Variants in C9 observed in about 807,000 individuals in gnomAD.
C9 encodes the protein complement component C9.
Under a neutral mutation model 65.4 loss-of-function variants are expected in C9, and 63 were observed. The observed-to-expected ratio is 0.96, with a 90% CI of 0.79 to 1.19. C9 has a LOEUF of 1.19. Ranked by LOEUF, C9 falls within the 50% of genes most tolerant of loss-of-function variation. The pLI is 0.00. For missense variants in C9, 744 were observed against 670.1 expected (o/e 1.11, Z -1.22); for synonymous variants, 229 against 227.9 (o/e 1.00, Z -0.04).
At chr5:39,337,449 AGCCAATTTTTTCT>A (rs1310174044) in intron 4 of C9, among the ~76,000 whole-genome samples, 3 of 152,224 alleles carry the variant, frequency 2.0e-5, no homozygotes, top group African/African-American at 7.2e-5. Flanking sequence ...GTCCAGAATA[AGCCAATTTTTTCT>A]GCCAAGAAAC....
intron 1 of C9, among the ~76,000 whole-genome samples, chr5:39,364,042 C>T (rs1236508407): frequency 6.6e-6 from 1 of 152,132 alleles, no homozygotes; most frequent in Admixed American, 6.5e-5. Context: ...AGATTAATTT[C>T]CTTAATTTTA....
chr5:39,342,285 T>A, intron 1 of C9, 89 bp from the exon 2 acceptor site: 1 of 738,312 alleles, frequency 1.4e-6, no homozygotes, highest in Non-Finnish European at 2.5e-6. Flanking sequence ...TTTTGTACTT[T>A]ATCCCCTCTC....
intron 9 of C9, among the ~76,000 whole-genome samples, chr5:39,294,588 G>A (rs928818047): frequency 6.6e-6 from 1 of 151,702 alleles, no homozygotes; most frequent in African/African-American, 2.4e-5. Flanking sequence ...TTTCAACAAA[G>A]AAAGGTCCAG....
chr5:39,344,871 A>G (rs540809684), intron 1 of C9, among the ~76,000 whole-genome samples: 32 of 152,326 alleles, frequency 2.1e-4, no homozygotes, highest in South Asian at 6.2e-4. Context: ...AATATTCAAC[A>G]TTCTTAAAGA....
chr5:39,304,435 T>C (rs1398441345), intron 9 of C9, among the ~76,000 whole-genome samples: 1 of 152,172 alleles, frequency 6.6e-6, no homozygotes, highest in East Asian at 1.9e-4. Context: ...TTAGTGATCA[T>C]AGATTGTGTA....
At chr5:39,331,224 G>C (rs938935896) in intron 5 of C9, among the ~76,000 whole-genome samples, 1 of 152,136 alleles carries the variant, frequency 6.6e-6, no homozygotes, top group African/African-American at 2.4e-5. Flanking sequence ...ATTTTCAAGA[G>C]GTAGAGGAGT....
In C9 at chr5:39,342,160, T is replaced by C; in HGVS notation, c.114A>G (p.Ala38=). 2 of 1,608,694 alleles carry C rather than the reference T, an allele frequency of 1.2e-6. No homozygotes were observed. The highest frequency in any genetic ancestry group is 2.7e-5 in the African/African-American group (2 of 74,932). ...DPELTESSGS[A]SHIDCRMSPW... is the part of the protein sequence containing the mutation. ...GGCTCATTCTGCAGTCTATGTGTGA[T>C]GCAGAGCCACTGCTTTCTGTTAGCT... is the stretch of plus-strand genomic sequence containing the variant. Residue 38 remains alanine, a synonymous_variant, in exon 2 of 11, where the codon GCA becomes GCG. Transcript: ENST00000263408.
intron 9 of C9, among the ~76,000 whole-genome samples, chr5:39,297,401 A>C (rs184823123): frequency 5.1e-4 from 77 of 151,740 alleles, no homozygotes; most frequent in Non-Finnish European, 5.0e-4. Context: ...CATTAATTAC[A>C]TTAAATGCAA....
chr5:39,285,263 A>C, intron 10 of C9, 30 bp from the exon 11 acceptor site: 1 of 1,587,296 alleles, frequency 6.3e-7, no homozygotes, highest in Middle Eastern at 1.7e-4. Context: ...ATCAAATCTT[A>C]ATCATCAATA....
chr5:39,303,268 GA>G (rs1261314480), intron 9 of C9, among the ~76,000 whole-genome samples: 1 of 152,004 alleles, frequency 6.6e-6, no homozygotes, highest in Non-Finnish European at 1.5e-5. Flanking sequence ...TACTTTCATG[GA>G]AGCTGAAGAC....
rs140016891 is a variant in C9 at position 39,361,161 on chromosome 5, A to G, written c.77+3227T>C. Among the ~76,000 whole-genome samples, 17 of 152,266 alleles carry G rather than the reference A, an allele frequency of 1.1e-4. No individual in the cohort carries two copies. In the East Asian group the frequency reaches 3.3e-3, roughly 29 times the overall value. On this transcript the variant is annotated intron_variant, in intron 1 of 10. Transcript: ENST00000263408. ...GAAAGTAAAAAATAGTATATATAATATGATATCATTTGCAAAAGACTGGGA... is the reference window on the plus strand; with the variant it reads ...GAAAGTAAAAAATAGTATATATAATGTGATATCATTTGCAAAAGACTGGGA...
At chr5:39,332,998 G>C (rs560124301) in intron 4 of C9, among the ~76,000 whole-genome samples, 73 of 152,134 alleles carry the variant, frequency 4.8e-4, no homozygotes, top group African/African-American at 1.7e-3. Flanking sequence ...TCTTCCTCAA[G>C]GCTGACATAT....
intron 10 of C9, among the ~76,000 whole-genome samples, chr5:39,287,815 G>A (rs1753019125): frequency 6.6e-6 from 1 of 151,872 alleles, no homozygotes; most frequent in Non-Finnish European, 1.5e-5. Context: ...AGACAGTGGG[G>A]ACTCCAAAAA....
At chr5:39,357,244 C>T (rs965115917) in intron 1 of C9, among the ~76,000 whole-genome samples, 2 of 152,152 alleles carry the variant, frequency 1.3e-5, no homozygotes, top group African/African-American at 4.8e-5. Context: ...GATAATGTGG[C>T]TTCTTTGAGG....
chr5:39,354,821 A>T (rs1018998296), intron 1 of C9, among the ~76,000 whole-genome samples: 9 of 152,344 alleles, frequency 5.9e-5, no homozygotes, highest in Non-Finnish European at 7.3e-5. Flanking sequence ...ATGAATGAAT[A>T]AATGAGTGAA....
chr5:39,346,757 A>T (rs1349578177), intron 1 of C9, among the ~76,000 whole-genome samples: 1 of 152,248 alleles, frequency 6.6e-6, no homozygotes, highest in Non-Finnish European at 1.5e-5. Context: ...ATGAACATTG[A>T]TGCAAAAATC....
chr5:39,284,963 G>T lies in C9; in HGVS notation c.*236C>A. On this transcript the variant is annotated 3_prime_UTR_variant, in exon 11 of 11. Transcript: ENST00000263408. ...ATTTTCCGTGGGATAAAGCAGTTCTGGCGTATTTCACTGTTGACTTCTCAT... is the reference window on the plus strand; with the variant it reads ...ATTTTCCGTGGGATAAAGCAGTTCTTGCGTATTTCACTGTTGACTTCTCAT... The T allele has an allele frequency of 2.1e-6, 1 of 477,856 alleles. No individual in the cohort carries two copies. The highest frequency in any genetic ancestry group is 3.8e-6 in the Non-Finnish European group (1 of 264,412). 29.6% of individuals were successfully genotyped at this position (477,856 alleles called of 1,614,324 possible). A position where few individuals can be genotyped will look rare whatever the true frequency, so the allele number is the denominator to read the frequency against.
intron 8 of C9, among the ~76,000 whole-genome samples, chr5:39,307,425 G>C (rs180811706): frequency 6.5e-4 from 99 of 152,240 alleles, no homozygotes; most frequent in Non-Finnish European, 1.2e-3. Flanking sequence ...GGAGTGACTA[G>C]TCAGAGATCA....
chr5:39,288,541 A>G (rs1184323470), intron 10 of C9, among the ~76,000 whole-genome samples, 182 bp downstream of exon 10: 1 of 151,750 alleles, frequency 6.6e-6, no homozygotes, highest in Non-Finnish European at 1.5e-5. Flanking sequence ...TACAAGTAGA[A>G]TATGTCAGAA....
Sources: gnomAD v4.1 joint callset for allele counts (sites outside exome capture counted in the v4.1 genomes callset) on GRCh38, gnomAD v4.1.1 for gene constraint, MANE v1.5 for transcripts, NCBI Gene and HGNC (gene_info 2026-07-23, HGNC 2026-07-21) for gene names.